Variants in SHOX2 observed in about 807,000 individuals in gnomAD.
SHOX2 encodes SHOX homeobox 2.
In SHOX2, 13 loss-of-function variants were observed where a neutral mutation model predicts 31.3. The ratio of observed to expected loss-of-function variants is 0.42; its 90% confidence interval spans 0.27 to 0.66. SHOX2 has a LOEUF of 0.66. Ranked by LOEUF, SHOX2 falls within the 30% of genes least tolerant of loss-of-function variation. SHOX2 has a pLI of 0.27. For missense variants in SHOX2, 473 were observed against 443.0 expected (o/e 1.07, Z -0.61); for synonymous variants, 244 against 196.2 (o/e 1.24, Z -2.04).
chr3:158,106,242 G>A lies in SHOX2; in HGVS notation c.-218C>T. The A allele has an allele frequency of 1.4e-6, 1 of 692,268 alleles. No individual in the cohort carries two copies. Among genetic ancestry groups the A allele is most frequent in the Non-Finnish European group, 2.2e-6 (1 of 447,550 alleles). The allele number at this position is 692,268 out of a possible 1,614,324, so 42.9% of individuals were successfully genotyped here. A position where few individuals can be genotyped will look rare whatever the true frequency, so the allele number is the denominator to read the frequency against. On this transcript the variant is annotated 5_prime_UTR_variant, in exon 1 of 5. Coordinates refer to ENST00000483851, the MANE Select transcript of SHOX2 (RefSeq NM_001163678.2). ...GGAGAAAAAGAAGTAAGAAGAGGAG[G>A]AGGAGGAAGAAGAGGAAGAGGGGGA... is the stretch of plus-strand genomic sequence containing the variant.
chr3:158,105,028 C>T, intron 1 of SHOX2: 1 of 358,174 alleles, frequency 2.8e-6, no homozygotes, highest in Non-Finnish European at 5.1e-6. Flanking sequence ...CCACCTCCCC[C>T]GCCGCCCCCC....
Position 158,105,926 on chromosome 3 carries a change from C to T in SHOX2, c.99G>A (p.Pro33=), listed in dbSNP as rs760235071. 6.2e-7 allele frequency: 1 copy of T among 1,606,008 alleles called. No homozygotes were observed. Among genetic ancestry groups the T allele is most frequent in the East Asian group, 2.3e-5 (1 of 43,632 alleles). The change falls in exon 1 of 5, where the codon CCG becomes CCA. Residue 33 remains proline (P), a synonymous_variant. Coordinates refer to ENST00000483851, the MANE Select transcript of SHOX2 (RefSeq NM_001163678.2). The stretch of plus-strand genomic sequence containing the variant: ...CGGTCGGCTCCTTGGCCCCGCGCAG[C>T]GGCCCGCTCTCCAGCACCTCCCGGT... The part of the protein sequence containing the change: ...ITYREVLESG[P]LRGAKEPTGC...
chr3:158,106,110 C>G lies in SHOX2; in HGVS notation c.-86G>C. 2.5e-6 allele frequency: 4 copies of G among 1,578,276 alleles called. No homozygotes were observed. Among genetic ancestry groups the G allele is most frequent in the Non-Finnish European group, 3.4e-6 (4 of 1,162,776 alleles). On this transcript the variant is annotated 5_prime_UTR_variant, in exon 1 of 5. Transcript: ENST00000483851. ...TTCTTCTTTTTTTACTGCTCCAGCC[C>G]CCCCAATAATAACACATCAATGGGA... is the stretch of plus-strand genomic sequence containing the variant.
At position 158,096,827 on chromosome 3, in the gene SHOX2, T is replaced by C. The variant is rs143677669; in HGVS notation, c.*1200A>G. On this transcript the variant is annotated 3_prime_UTR_variant, in exon 5 of 5. Coordinates refer to ENST00000483851, the MANE Select transcript of SHOX2 (RefSeq NM_001163678.2). Reference sequence around the variant, plus strand: ...GCCCACCTCTGTCTTCTTAGGACAATGAGTGTAATTTTTTCCCTTTCTGAC... The same window carrying C: ...GCCCACCTCTGTCTTCTTAGGACAACGAGTGTAATTTTTTCCCTTTCTGAC... 1 of 146,290 alleles carries C rather than the reference T, an allele frequency of 6.8e-6. No homozygotes were observed. Among genetic ancestry groups the C allele is most frequent in the Admixed American group, 6.8e-5 (1 of 14,664 alleles). 9.1% of individuals were successfully genotyped at this position (146,290 alleles called of 1,614,324 possible).
intron 1 of SHOX2, chr3:158,103,236 C>G (rs192902482): frequency 2.7e-6 from 1 of 370,192 alleles, no homozygotes; most frequent in African/African-American, 2.1e-5. Flanking sequence ...CTTTCGCACT[C>G]ACTTGCTCCG....
At chr3:158,099,765 A>T (rs1279043539) in intron 4 of SHOX2, 95 bp downstream of exon 4, 2 of 889,412 alleles carry the variant, frequency 2.2e-6, no homozygotes, top group East Asian at 5.1e-5. Flanking sequence ...GCAGACATTG[A>T]CATCTGGGCT....
In SHOX2 at chr3:158,102,771, C is replaced by T. The variant is rs1237266913; in HGVS notation, c.462G>A (p.Glu154=). 7 of 1,614,104 alleles carry T rather than the reference C, an allele frequency of 4.3e-6. No individual in the cohort carries two copies. Among genetic ancestry groups the T allele is most frequent in the Non-Finnish European group, 5.1e-6 (6 of 1,180,034 alleles). The stretch of plus-strand genomic sequence containing the variant: ...GGGTCTCGTCAAAAAGCCTCTCCAG[C>T]TCATTGAGTTGTTCCAGGGTGAAAT... ...RTNFTLEQLN[E]LERLFDETHY... The change falls in exon 2 of 5, where the codon GAG becomes GAA. Residue 154 remains glutamate (E), a synonymous_variant. Transcript: ENST00000483851.
At position 158,105,792 on chromosome 3, in the gene SHOX2, A is replaced by ACACCTCCTCCGCCTCCTCCGC; in HGVS notation, c.212_232dup (p.Gly71_Gly77dup). The ACACCTCCTCCGCCTCCTCCGC allele has an allele frequency of 6.8e-7, 1 of 1,466,082 alleles. No homozygotes were observed. The highest frequency in any genetic ancestry group is 3.0e-5 in the East Asian group (1 of 32,964). The allele number at this position is 1,466,082 out of a possible 1,614,324, so 90.8% of individuals were successfully genotyped here. A position where few individuals can be genotyped will look rare whatever the true frequency, so the allele number is the denominator to read the frequency against. ...TCCTCCGCCTGCTCCTCCTCCTCCT[A>ACACCTCCTCCGCCTCCTCCGC]CACCTCCTCCGCCTCCTCCGCCGCC... On this transcript the variant is annotated inframe_insertion, in exon 1 of 5. Coordinates refer to ENST00000483851, the MANE Select transcript of SHOX2 (RefSeq NM_001163678.2).
intron 1 of SHOX2, chr3:158,105,160 A>G (rs1216801550): frequency 2.2e-6 from 3 of 1,336,868 alleles, no homozygotes; most frequent in African/African-American, 1.5e-5. Flanking sequence ...TTTGGCCCCT[A>G]AGATCCAAAG....
chr3:158,106,074 T>C lies in SHOX2; in HGVS notation c.-50A>G. 6.2e-7 allele frequency: 1 copy of C among 1,608,122 alleles called. No individual in the cohort carries two copies. The highest frequency in any genetic ancestry group is 8.5e-7 in the Non-Finnish European group (1 of 1,177,128). ...TCAACCTCTGCCAGCAGAGCCCCGC[T>C]CTTTTTTTCCTTCTTCTTTTTTTAC... On this transcript the variant is annotated 5_prime_UTR_variant, in exon 1 of 5. Coordinates refer to ENST00000483851, the MANE Select transcript of SHOX2 (RefSeq NM_001163678.2).
chr3:158,096,774 T>A lies in SHOX2; in HGVS notation c.*1253A>T, dbSNP rs1713109374. 6.6e-6 allele frequency: 1 copy of A among 151,438 alleles called. No individual in the cohort carries two copies. The highest frequency in any genetic ancestry group is 2.4e-5 in the African/African-American group (1 of 41,164). The allele number at this position is 151,438 out of a possible 1,614,324, so 9.4% of individuals were successfully genotyped here. On this transcript the variant is annotated 3_prime_UTR_variant, in exon 5 of 5. Coordinates refer to ENST00000483851, the MANE Select transcript of SHOX2 (RefSeq NM_001163678.2). Reference sequence around the variant, plus strand: ...TTCATTATTTCATTTGGTGGTCTTGTTTTCTTTTTCCTTTCCCCACATATT... The same window carrying A: ...TTCATTATTTCATTTGGTGGTCTTGATTTCTTTTTCCTTTCCCCACATATT...
At chr3:158,105,621 G>T in intron 1 of SHOX2, 58 bp downstream of exon 1, 4 of 1,458,316 alleles carry the variant, frequency 2.7e-6, no homozygotes, top group Non-Finnish European at 3.7e-6. Context: ...TCTCCCGCCC[G>T]AGAGGAGTCC....
In SHOX2 at chr3:158,106,080, T is replaced by G. The variant is rs1713912352; in HGVS notation, c.-56A>C. On this transcript the variant is annotated 5_prime_UTR_variant, in exon 1 of 5. Transcript: ENST00000483851. Reference sequence around the variant, plus strand: ...TCTGCCAGCAGAGCCCCGCTCTTTTTTTCCTTCTTCTTTTTTTACTGCTCC... The same window carrying G: ...TCTGCCAGCAGAGCCCCGCTCTTTTGTTCCTTCTTCTTTTTTTACTGCTCC... The G allele has an allele frequency of 3.7e-6, 6 of 1,604,674 alleles. No homozygotes were observed. In the South Asian group the frequency reaches 6.6e-5, roughly 18 times the overall value.
At chr3:158,099,401 G>GA (rs1385400970) in intron 4 of SHOX2, among the ~76,000 whole-genome samples, 1 of 152,176 alleles carries the variant, frequency 6.6e-6, no homozygotes, top group Non-Finnish European at 1.5e-5. Flanking sequence ...ACAAAAGAAC[G>GA]AAAAAACAAA....
At chr3:158,101,807 A>G (rs1713510264) in intron 2 of SHOX2, among the ~76,000 whole-genome samples, 1 of 152,348 alleles carries the variant, frequency 6.6e-6, no homozygotes, top group African/African-American at 2.4e-5. Context: ...GAGCGGAAAT[A>G]CAATCTGAAA....
At position 158,096,928 on chromosome 3, in the gene SHOX2, A is replaced by ATATG. The variant is rs1553753379; in HGVS notation, c.*1095_*1098dup. ...TATATATATATATATATATATATAT[A>ATATG]TATGGCAAATATATGATATATATAT... On this transcript the variant is annotated 3_prime_UTR_variant, in exon 5 of 5. Transcript: ENST00000483851. The ATATG allele has an allele frequency of 7.0e-4, 85 of 121,224 alleles. 2 individuals carry two copies. The highest frequency in any genetic ancestry group is 2.5e-3 in the African/African-American group (80 of 32,060). The allele number at this position is 121,224 out of a possible 1,614,324, so 7.5% of individuals were successfully genotyped here.
intron 2 of SHOX2, 53 bp from the exon 3 acceptor site, chr3:158,100,364 T>G (rs1028368874): frequency 8.5e-6 from 12 of 1,406,216 alleles, no homozygotes; most frequent in East Asian, 2.3e-5. Flanking sequence ...GACTAAAAAT[T>G]TTTTTAAATT....
intron 2 of SHOX2, among the ~76,000 whole-genome samples, chr3:158,101,646 A>G (rs1290135838): frequency 6.6e-6 from 1 of 152,126 alleles, no homozygotes; most frequent in Non-Finnish European, 1.5e-5. Context: ...AGAATTGTGC[A>G]TAGTTCGCTA....
intron 3 of SHOX2, 50 bp downstream of exon 3, chr3:158,100,204 A>G (rs747555842): frequency 7.2e-7 from 1 of 1,386,240 alleles, no homozygotes; most frequent in Non-Finnish European, 1.0e-6. Context: ...AATATTCACT[A>G]CTTCTCTCTT....
Sources: gnomAD v4.1 joint callset for allele counts (sites outside exome capture counted in the v4.1 genomes callset) on GRCh38, gnomAD v4.1.1 for gene constraint, MANE v1.5 for transcripts, NCBI Gene and HGNC (gene_info 2026-07-23, HGNC 2026-07-21) for gene names.